The following GYS2 variants were observed in gnomAD, a reference collection of about 807,000 sequenced individuals.
GYS2 encodes the protein glycogen [starch] synthase, liver.
GYS2 carries 80 observed loss-of-function variants against 85.6 expected under a neutral mutation model. The observed-to-expected ratio is 0.93, with a 90% confidence interval of 0.78 to 1.13. GYS2 has a LOEUF of 1.13. Among genes scored for constraint, GYS2 ranks in the 50% most tolerant of loss-of-function variants. The pLI, the probability that GYS2 is intolerant of heterozygous loss-of-function variation, is 0.00. For synonymous variants in GYS2, 328 were observed against 300.7 expected, an observed-to-expected ratio of 1.09 and a Z score of -0.94; for missense variants, 881 against 854.9, an observed-to-expected ratio of 1.03 and a Z score of -0.38.
chr12:21,604,411 C>T (rs1944784151), intron 1 of GYS2, 61 bp downstream of exon 1: 2 of 991,500 alleles, frequency 2.0e-6, no homozygotes, highest in Non-Finnish European at 1.6e-6. Context: ...TGAAATCTTA[C>T]TCTACATTCC....
intron 2 of GYS2, among the ~76,000 whole-genome samples, chr12:21,577,206 C>G (rs1419072174): frequency 1.3e-5 from 2 of 152,238 alleles, no homozygotes; most frequent in Admixed American, 1.3e-4. Flanking sequence ...TTCCTGAGCC[C>G]CAAACCACTT....
At chr12:21,537,596 A>T (rs1467651365) in intron 15 of GYS2, among the ~76,000 whole-genome samples, 1 of 152,142 alleles carries the variant, frequency 6.6e-6, no homozygotes, top group African/African-American at 2.4e-5. Flanking sequence ...TACACTGCTG[A>T]TACTGTTAGT....
At chr12:21,565,768 A>G (rs1042810015) in intron 5 of GYS2, among the ~76,000 whole-genome samples, 2 of 151,704 alleles carry the variant, frequency 1.3e-5, no homozygotes, top group Non-Finnish European at 2.9e-5. Context: ...TTTCCCTGGA[A>G]GCAACATTGG....
At chr12:21,541,224 G>C (rs1943968987) in intron 13 of GYS2, among the ~76,000 whole-genome samples, 1 of 123,982 alleles carries the variant, frequency 8.1e-6, no homozygotes, top group Non-Finnish European at 1.6e-5. Context: ...GCCAGGATCA[G>C]GCCACTGCAC....
In GYS2 at chr12:21,572,834, C is replaced by G. The variant is rs150275050; in HGVS notation, c.678+1310G>C. Reference sequence around the variant, plus strand: ...AAATTAATTATTACTATACAAGATTCAAGAATTCTGAAGTGAAATATTCAA... The same window carrying G: ...AAATTAATTATTACTATACAAGATTGAAGAATTCTGAAGTGAAATATTCAA... On this transcript the variant is annotated intron_variant, in intron 4 of 15. Coordinates refer to ENST00000261195, the MANE Select transcript of GYS2 (RefSeq NM_021957.4). Among the ~76,000 whole-genome samples, 13 of 152,204 alleles carry G rather than the reference C, an allele frequency of 8.5e-5. No individual in the cohort carries two copies. The East Asian group carries it at 2.3e-3, about 27-fold the overall frequency.
downstream of GYS2, among the ~76,000 whole-genome samples, chr12:21,533,637 C>T (rs750254801): frequency 6.6e-6 from 1 of 152,294 alleles, no homozygotes; most frequent in East Asian, 1.9e-4. Flanking sequence ...ACTAGTCCCC[C>T]TCCTGAGTCT....
intron 5 of GYS2, among the ~76,000 whole-genome samples, chr12:21,565,972 AT>A (rs1490871300): frequency 6.6e-6 from 1 of 152,232 alleles, no homozygotes; most frequent in East Asian, 1.9e-4. Flanking sequence ...AAAATGACAA[AT>A]TTTTTTAAAG....
At position 21,539,279 on chromosome 12, in the gene GYS2, C is replaced by T. The variant is rs745360511; in HGVS notation, c.1869G>A (p.Val623=). ...LSRAFPDKFH[V]ELTSPPTTEG... is the part of the protein sequence containing the mutation. ...TTACCGTTGGTGGTGATGTTAGTTCCACATGGAATTTATCTGGAAAAGCTC... is the reference window on the plus strand; with the variant it reads ...TTACCGTTGGTGGTGATGTTAGTTCTACATGGAATTTATCTGGAAAAGCTC... Residue 623 remains valine, a synonymous_variant, in exon 15 of 16, where the codon GTG becomes GTA. Transcript: ENST00000261195. The T allele has an allele frequency of 1.9e-6, 3 of 1,595,808 alleles. No homozygotes were observed. The highest frequency in any genetic ancestry group is 2.6e-6 in the Non-Finnish European group (3 of 1,163,582).
intron 12 of GYS2, among the ~76,000 whole-genome samples, chr12:21,545,643 G>A (rs567524791): frequency 1.3e-5 from 2 of 151,868 alleles, no homozygotes; most frequent in Admixed American, 6.6e-5. Flanking sequence ...ATGCCAGTTC[G>A]GTCCAGAAAA....
chr12:21,566,621 T>C (rs1944323929), intron 5 of GYS2, among the ~76,000 whole-genome samples: 1 of 152,148 alleles, frequency 6.6e-6, no homozygotes, highest in Non-Finnish European at 1.5e-5. Context: ...TAATAATCGA[T>C]ATTTTCTAAA....
At chr12:21,544,937 G>C (rs1944020846) in intron 12 of GYS2, among the ~76,000 whole-genome samples, 1 of 140,086 alleles carries the variant, frequency 7.1e-6, no homozygotes, top group African/African-American at 2.5e-5. Context: ...TCCTATTTTT[G>C]TAGACTTTTA....
chr12:21,538,822 G>C (rs1943939294), intron 15 of GYS2, among the ~76,000 whole-genome samples: 1 of 152,176 alleles, frequency 6.6e-6, no homozygotes, highest in Non-Finnish European at 1.5e-5. Flanking sequence ...AGACACCCTG[G>C]TGGGCACTGA....
chr12:21,557,906 GA>G (rs1214456105), intron 11 of GYS2, among the ~76,000 whole-genome samples: 2 of 151,138 alleles, frequency 1.3e-5, no homozygotes, highest in African/African-American at 2.4e-5. Context: ...CTCAAAAAAA[GA>G]AAAAAAAGAA....
chr12:21,558,296 TG>T lies in GYS2; in HGVS notation c.1325del (p.Pro442GlnfsTer2). The T allele has an allele frequency of 6.2e-7, 1 of 1,611,070 alleles. No homozygotes were observed. Among genetic ancestry groups the T allele is most frequent in the Non-Finnish European group, 8.5e-7 (1 of 1,177,230 alleles). ...CATCAATCATGTTGTGCGTGGTCAC[TG>T]GGGGCAATGACTGTCGCTGAAGTAT... ...IFSTQRQSLP[P>X]VTTHNMIDDS... On this transcript the variant is annotated frameshift_variant, in exon 11 of 16. Transcript: ENST00000261195. LOFTEE classifies it high-confidence loss of function.
intron 1 of GYS2, among the ~76,000 whole-genome samples, chr12:21,584,736 C>T (rs1036784865): frequency 2.6e-4 from 39 of 152,220 alleles, no homozygotes; most frequent in African/African-American, 8.2e-4. Flanking sequence ...GGAATAGACA[C>T]TTACTCTGGA....
At chr12:21,595,154 A>T (rs938993851) in intron 1 of GYS2, among the ~76,000 whole-genome samples, 1 of 152,122 alleles carries the variant, frequency 6.6e-6, no homozygotes, top group Admixed American at 6.5e-5. Context: ...ATCTTGGCGG[A>T]TGGGAGGTAG....
chr12:21,541,238 A>T (rs1032534343), intron 13 of GYS2, among the ~76,000 whole-genome samples: 10 of 123,898 alleles, frequency 8.1e-5, no homozygotes, highest in African/African-American at 3.0e-4. Flanking sequence ...ACTGCACTCC[A>T]GCCTGGGCAA....
chr12:21,539,364 G>A (rs1352993969), intron 14 of GYS2, 26 bp from the exon 15 acceptor site: 3 of 1,334,636 alleles, frequency 2.2e-6, no homozygotes, highest in South Asian at 1.2e-5. Context: ...CAAATCACAG[G>A]TTAATAAAAA....
chr12:21,581,868 G>A (rs1944513679), intron 1 of GYS2, among the ~76,000 whole-genome samples: 1 of 152,090 alleles, frequency 6.6e-6, no homozygotes, highest in African/African-American at 2.4e-5. Flanking sequence ...TGTCAAATGG[G>A]GGTAAAATAA....
Sources: allele counts gnomAD v4.1 joint callset (sites outside exome capture counted in the v4.1 genomes callset), GRCh38; gene constraint gnomAD v4.1.1; transcripts MANE v1.5; gene names NCBI Gene and HGNC (gene_info 2026-07-23, HGNC 2026-07-21).